Variants in SUPT6H observed in about 807,000 individuals in gnomAD.
SUPT6H encodes the protein SPT6 homolog, histone chaperone and transcription elongation factor.
SUPT6H carries 11 observed loss-of-function variants against 222.3 expected under a neutral mutation model. The observed-to-expected ratio is 0.05, with a 90% CI of 0.03 to 0.08. SUPT6H has a LOEUF of 0.08. SUPT6H is among the 10% of genes least tolerant of loss of function. SUPT6H has a pLI of 1.00. For synonymous variants in SUPT6H, 762 were observed against 801.2 expected (o/e 0.95, Z 0.83); for missense variants, 1,422 against 2,216.0 (o/e 0.64, Z 7.19).
chr17:28,682,324 T>G (rs1217826080), intron 13 of SUPT6H: 3 of 280,080 alleles, frequency 1.1e-5, no homozygotes, highest in African/African-American at 6.5e-5. Context: ...ATTTATGGCC[T>G]CTTTAAATTC....
chr17:28,687,482 A>G lies in SUPT6H; in HGVS notation c.3006+11A>G. On this transcript the variant is annotated intron_variant, in intron 23 of 36. Coordinates refer to ENST00000314616, the MANE Select transcript of SUPT6H (RefSeq NM_003170.5). Reference sequence around the variant, plus strand: ...ACCCACCTCCTGAAGGTAGGATTGGAGTGAATTCAGAAATTTTAAAACTTG... The same window carrying G: ...ACCCACCTCCTGAAGGTAGGATTGGGGTGAATTCAGAAATTTTAAAACTTG... 6.2e-7 allele frequency: 1 copy of G among 1,610,516 alleles called. No individual in the cohort carries two copies.
rs754705893 is a variant in SUPT6H, at chr17:28,687,296, G to C, written c.2839-8G>C. The C allele has an allele frequency of 3.1e-6, 5 of 1,614,026 alleles. No individual in the cohort carries two copies. Among genetic ancestry groups the C allele is most frequent in the Non-Finnish European group, 4.2e-6 (5 of 1,180,024 alleles). Reference sequence around the variant, plus strand: ...GTAACCTTACTCCTGCCTGCTGAATGTCCACAGGAGCATGTGGTGAAAGAG... The same window carrying C: ...GTAACCTTACTCCTGCCTGCTGAATCTCCACAGGAGCATGTGGTGAAAGAG... On this transcript the variant is annotated splice_polypyrimidine_tract_variant and splice_region_variant and intron_variant, in intron 22 of 36. Transcript: ENST00000314616.
In SUPT6H at chr17:28,688,341, A is replaced by AG; in HGVS notation, c.3134+125dup. 1.5e-6 allele frequency: 2 copies of AG among 1,313,634 alleles called. No individual in the cohort carries two copies. The highest frequency in any genetic ancestry group is 3.0e-5 in the African/African-American group (2 of 66,860). The allele number at this position is 1,313,634 out of a possible 1,614,324, so 81.4% of individuals were successfully genotyped here. A position where few individuals can be genotyped will look rare whatever the true frequency, so the allele number is the denominator to read the frequency against. ...TAACTTAGGAAATGTTTTAAAGAAA[A>AG]GGTAAGGAACTTTATTCAGTCAAGA... is the stretch of plus-strand genomic sequence containing the variant. On this transcript the variant is annotated intron_variant, in intron 24 of 36. Transcript: ENST00000314616. This position sits in a 1 kb window ranked among gnomAD's most constrained non-coding sequence, Gnocchi z 4.3.
At chr17:28,674,256 C>T (rs1567687572) in intron 2 of SUPT6H, 27 bp from the exon 3 acceptor site, 4 of 1,613,440 alleles carry the variant, frequency 2.5e-6, no homozygotes, top group East Asian at 2.2e-5. Flanking sequence ...TTTCAGTCTC[C>T]ATGCCTCAAA....
At chr17:28,701,229 G>A in intron 36 of SUPT6H, 101 bp downstream of exon 36, 1 of 1,481,838 alleles carries the variant, frequency 6.7e-7, no homozygotes. Context: ...GATCCTCTGA[G>A]GGCCCTGACC....
intron 1 of SUPT6H, among the ~76,000 whole-genome samples, chr17:28,664,390 C>T (rs1395852407): frequency 6.6e-6 from 1 of 152,212 alleles, no homozygotes; most frequent in South Asian, 2.1e-4. Flanking sequence ...CCTGTAATCC[C>T]AGCTACTTGG....
chr17:28,694,849 CA>C (rs1567703072), intron 28 of SUPT6H, among the ~76,000 whole-genome samples: 4 of 152,044 alleles, frequency 2.6e-5, no homozygotes, highest in African/African-American at 9.7e-5. Flanking sequence ...ACAGAAAATA[CA>C]AAAATTAGCC....
At chr17:28,700,658 C>G in intron 35 of SUPT6H, 146 bp downstream of exon 35, 1 of 1,175,440 alleles carries the variant, frequency 8.5e-7, no homozygotes, top group Non-Finnish European at 1.2e-6. Flanking sequence ...GTCCTTAGGC[C>G]CATTTGAAGG....
At chr17:28,663,827 C>CTTTTTTTTTTTTTTTTTT (rs1567681347) in intron 1 of SUPT6H, among the ~76,000 whole-genome samples, 18 of 8,400 alleles carry the variant, frequency 2.1e-3, no homozygotes, top group East Asian at 5.1e-3. Flanking sequence ...CTGCCCACTC[C>CTTTTTTTTTTTTTTTTTT]ATTTTTTTTT....
chr17:28,667,133 A>G (rs2030072839), intron 1 of SUPT6H, among the ~76,000 whole-genome samples: 1 of 151,158 alleles, frequency 6.6e-6, no homozygotes, highest in Admixed American at 6.6e-5. Context: ...TGAGAGGCTG[A>G]GACGGGCGGA....
intron 1 of SUPT6H, among the ~76,000 whole-genome samples, chr17:28,668,073 T>G (rs1277328722): frequency 6.6e-6 from 1 of 152,172 alleles, no homozygotes; most frequent in Non-Finnish European, 1.5e-5. Context: ...CCCAGTTCCA[T>G]TCCTCTTCCA....
In SUPT6H at chr17:28,688,310, C is replaced by A; in HGVS notation, c.3134+92C>A. Reference sequence around the variant, plus strand: ...GTTAGGGCTATCAAAGGGCCACAAGCCATTTTAACTTAGGAAATGTTTTAA... The same window carrying A: ...GTTAGGGCTATCAAAGGGCCACAAGACATTTTAACTTAGGAAATGTTTTAA... On this transcript the variant is annotated intron_variant, in intron 24 of 36. Transcript: ENST00000314616. The surrounding 1 kb of genome is among the most constrained non-coding windows in gnomAD (Gnocchi z 4.3). 1.4e-6 allele frequency: 2 copies of A among 1,424,422 alleles called. No homozygotes were observed. The highest frequency in any genetic ancestry group is 1.5e-5 in the African/African-American group (1 of 68,856). 88.2% of individuals were successfully genotyped at this position (1,424,422 alleles called of 1,614,324 possible).
chr17:28,683,794 A>G lies in SUPT6H; in HGVS notation c.2207A>G (p.Glu736Gly). The G allele has an allele frequency of 6.2e-7, 1 of 1,613,752 alleles. No individual in the cohort carries two copies. Among genetic ancestry groups the G allele is most frequent in the Non-Finnish European group, 8.5e-7 (1 of 1,179,970 alleles). Reference sequence around the variant, plus strand: ...GAACTCAAGAACAAGCTGCTGGCTGAAGCCAAGGAATATGTCATAAAGGTG... The same window carrying G: ...GAACTCAAGAACAAGCTGCTGGCTGGAGCCAAGGAATATGTCATAAAGGTG... ...AKELKNKLLA[E>G]AKEYVIKACS... is the part of the protein sequence containing the mutation. Residue 736 changes from glutamate (E) to glycine (G), a missense_variant, in exon 17 of 37, where the codon GAA (glutamate) becomes GGA (glycine). Around this residue, in one of 13 missense-constraint regions of SUPT6H, gnomAD observed 294 missense variants for 382.1 expected, o/e 0.77. Coordinates refer to ENST00000314616, the MANE Select transcript of SUPT6H (RefSeq NM_003170.5).
chr17:28,684,710 C>T lies in SUPT6H; in HGVS notation c.2354C>T (p.Ala785Val). 1.2e-6 allele frequency: 2 copies of T among 1,614,240 alleles called. No individual in the cohort carries two copies. Among genetic ancestry groups the T allele is most frequent in the Non-Finnish European group, 1.7e-6 (2 of 1,180,054 alleles). ...AAGGGCATTCGAGTCCTCGGCATTG[C>T]TTTCTCCTCTGCCAGGTAACAGCCT... ...QGKGIRVLGI[A>V]FSSARDHPVF... Residue 785 changes from alanine to valine, a missense_variant, in exon 18 of 37, where the codon GCT becomes GTT. This residue lies in a region of SUPT6H where 294 missense variants were observed against 382.1 expected (regional missense o/e 0.77). Transcript: ENST00000314616.
rs572399687 is a variant in SUPT6H at position 28,678,807 on chromosome 17, C to G, written c.1207-14C>G. The G allele has an allele frequency of 6.2e-7, 1 of 1,614,124 alleles. No homozygotes were observed. Among genetic ancestry groups the G allele is most frequent in the East Asian group, 2.2e-5 (1 of 44,880 alleles). On this transcript the variant is annotated splice_polypyrimidine_tract_variant and intron_variant, in intron 10 of 36. Coordinates refer to ENST00000314616, the MANE Select transcript of SUPT6H (RefSeq NM_003170.5). ...CTGAACACAAGCTCTCATTCCTGCC[C>G]TACTTCACCTTAGTGGACCCAGCTG...
chr17:28,696,585 CA>C (rs368924462), intron 29 of SUPT6H, among the ~76,000 whole-genome samples: 209 of 54,036 alleles, frequency 3.9e-3, no homozygotes, highest in East Asian at 4.3e-3. Flanking sequence ...GAGACTGTCT[CA>C]AAAAAAAAAA....
chr17:28,701,289 G>C, intron 36 of SUPT6H, 150 bp from the exon 37 acceptor site: 2 of 1,369,828 alleles, frequency 1.5e-6, no homozygotes, highest in Non-Finnish European at 2.0e-6. Flanking sequence ...GAAGAGGGCA[G>C]TATGGCAGCC....
intron 1 of SUPT6H, among the ~76,000 whole-genome samples, chr17:28,662,555 C>T (rs1464837175): frequency 3.3e-5 from 5 of 152,160 alleles, no homozygotes; most frequent in African/African-American, 9.7e-5. Flanking sequence ...CACCCGGAAC[C>T]CGTGAATCGG....
In SUPT6H at chr17:28,678,082, T is replaced by C. The variant is rs970955585; in HGVS notation, c.1006T>C (p.Cys336Arg). 2 of 1,613,442 alleles carry C rather than the reference T, an allele frequency of 1.2e-6. No homozygotes were observed. The highest frequency in any genetic ancestry group is 1.7e-6 in the Non-Finnish European group (2 of 1,179,744). ...ATPTISLQES[C>R]DYLDRGQPAS... is the part of the protein sequence containing the mutation. Reference sequence around the variant, plus strand: ...CTTTATTTTCCTACTGTAGGAAAGCTGTGATTACCTAGACCGAGGGCAGCC... The same window carrying C: ...CTTTATTTTCCTACTGTAGGAAAGCCGTGATTACCTAGACCGAGGGCAGCC... The change falls in exon 9 of 37, where the codon TGT becomes CGT. Residue 336 changes from cysteine to arginine, a missense_variant. By Grantham distance (180) the Cys-to-Arg change is radical. This residue lies in a region of SUPT6H where 389 missense variants were observed against 544.6 expected (regional missense o/e 0.71). Transcript: ENST00000314616.
Sources: gnomAD v4.1 joint callset for allele counts (sites outside exome capture counted in the v4.1 genomes callset) on GRCh38, gnomAD v4.1.1 for gene constraint, gnomAD v4.1.1 regional missense constraint, Gnocchi (gnomAD v3.1) non-coding constraint, MANE v1.5 for transcripts, NCBI Gene and HGNC (gene_info 2026-07-23, HGNC 2026-07-21) for gene names.